The following KCTD14 variants were observed in gnomAD, a reference collection of about 807,000 sequenced individuals.
KCTD14 encodes the protein BTB/POZ domain-containing protein KCTD14.
A neutral mutation model predicts 5.9 loss-of-function variants in KCTD14; 7 were observed. That is an observed-to-expected ratio of 1.19 (90% CI 0.68 to 2.23). The LOEUF is 2.23. Among genes scored for constraint, KCTD14 ranks in the 30% most tolerant of loss-of-function variants. The pLI, the probability that KCTD14 is intolerant of heterozygous loss-of-function variation, is 0.00. For missense variants in KCTD14, 342 were observed against 332.2 expected, an observed-to-expected ratio of 1.03 and a Z score of -0.23; for synonymous variants, 140 against 133.1, an observed-to-expected ratio of 1.05 and a Z score of -0.36.
intron 2 of KCTD14, among the ~76,000 whole-genome samples, chr11:78,030,645 G>A (rs1857588332): frequency 2.6e-5 from 4 of 152,154 alleles, no homozygotes; most frequent in Admixed American, 2.6e-4. Flanking sequence ...TGTTCTTCAG[G>A]AGACAATGCG....
chr11:78,025,690 T>G (rs1857446826), upstream of KCTD14, among the ~76,000 whole-genome samples: 1 of 152,186 alleles, frequency 6.6e-6, no homozygotes, highest in Non-Finnish European at 1.5e-5. Flanking sequence ...GTGTAGACTA[T>G]TTAGCCAGCC....
At chr11:78,024,999 T>TTG (rs1012025347), upstream of KCTD14, among the ~76,000 whole-genome samples, 4 of 138,944 alleles carry the variant, frequency 2.9e-5, no homozygotes, top group African/African-American at 5.3e-5. Flanking sequence ...ACACATATAT[T>TTG]TGTATATATA....
intron 2 of KCTD14, among the ~76,000 whole-genome samples, chr11:78,029,472 G>T (rs1011590672): frequency 6.6e-6 from 1 of 152,164 alleles, no homozygotes; most frequent in Non-Finnish European, 1.5e-5. Flanking sequence ...TTACCCAGAG[G>T]TCACTGGTTG....
chr11:78,025,647 G>C (rs1212390558), upstream of KCTD14, among the ~76,000 whole-genome samples: 1 of 152,172 alleles, frequency 6.6e-6, no homozygotes, highest in Non-Finnish European at 1.5e-5. Context: ...CTTCAGGCCT[G>C]ATCTCCATTT....
chr11:78,038,961 G>A (rs1182748833), intron 1 of KCTD14, among the ~76,000 whole-genome samples: 7 of 152,004 alleles, frequency 4.6e-5, no homozygotes, highest in Non-Finnish European at 8.8e-5. Context: ...ATTCCATAGC[G>A]GGAGCAAGGG....
At chr11:78,038,301 G>A (rs1466612329) in intron 2 of KCTD14, among the ~76,000 whole-genome samples, 3 of 152,208 alleles carry the variant, frequency 2.0e-5, no homozygotes, top group Non-Finnish European at 2.9e-5. Flanking sequence ...GGTCCAGTTC[G>A]AGTGAGAGGT....
Position 78,015,868 on chromosome 11 carries a change from CT to C in KCTD14, c.*724del, listed in dbSNP as rs1326212698. ...TGAGGAGCTCTGGGAAAGGAAGTTC[CT>C]TGATGTAAGAGGTCAGTCTTTTGTA... On this transcript the variant is annotated 3_prime_UTR_variant, in exon 2 of 2. Transcript: ENST00000353172. 6.6e-6 allele frequency: 1 copy of C among 152,178 alleles called. No homozygotes were observed. The highest frequency in any genetic ancestry group is 1.5e-5 in the Non-Finnish European group (1 of 68,058). The allele number at this position is 152,178 out of a possible 1,614,324, so 9.4% of individuals were successfully genotyped here. A position where few individuals can be genotyped will look rare whatever the true frequency, so the allele number is the denominator to read the frequency against.
At chr11:78,020,448 AGAG>A (rs1040551694) in intron 1 of KCTD14, among the ~76,000 whole-genome samples, 8 of 152,232 alleles carry the variant, frequency 5.3e-5, no homozygotes, top group African/African-American at 1.9e-4. Context: ...GGGAGAAGGC[AGAG>A]GAGAGGACGC....
At chr11:78,030,168 TC>T (rs369934014) in intron 2 of KCTD14, among the ~76,000 whole-genome samples, 3 of 151,784 alleles carry the variant, frequency 2.0e-5, no homozygotes, top group Admixed American at 6.6e-5. Context: ...GCTTCTTTTT[TC>T]CCCCCCTCCA....
In KCTD14 at chr11:78,017,073, C is replaced by T; in HGVS notation, c.288G>A (p.Gly96=). ...FRPILDYLRT[G]QVPTQHIPEV... The stretch of plus-strand genomic sequence containing the variant: ...CAGGGATGTGCTGTGTGGGCACTTG[C>T]CCAGTGCGCAGGTAGTCCAGGATGG... Residue 96 remains glycine, a synonymous_variant, in exon 2 of 2, where the codon GGG becomes GGA. Transcript: ENST00000353172. 6.2e-7 allele frequency: 1 copy of T among 1,614,206 alleles called. No homozygotes were observed. Among genetic ancestry groups the T allele is most frequent in the Non-Finnish European group, 8.5e-7 (1 of 1,180,042 alleles).
chr11:78,042,069 A>G (rs1003625556), intron 1 of KCTD14, among the ~76,000 whole-genome samples: 3 of 149,992 alleles, frequency 2.0e-5, no homozygotes, highest in South Asian at 2.1e-4. Flanking sequence ...GACCCCTGGT[A>G]AAAAAAACCA....
At chr11:78,035,932 G>A (rs1857785167) in intron 2 of KCTD14, among the ~76,000 whole-genome samples, 1 of 151,910 alleles carries the variant, frequency 6.6e-6, no homozygotes, top group Non-Finnish European at 1.5e-5. Flanking sequence ...GGTCAAGGGA[G>A]GCGGATCACT....
chr11:78,039,022 G>T (rs1027960207), intron 1 of KCTD14, among the ~76,000 whole-genome samples: 1 of 141,718 alleles, frequency 7.1e-6, no homozygotes, highest in African/African-American at 2.6e-5. Flanking sequence ...CCAGAAGGGA[G>T]AATATGGGGC....
At chr11:78,038,805 G>C in intron 1 of KCTD14, 1 of 1,534,040 alleles carries the variant, frequency 6.5e-7, no homozygotes, top group East Asian at 2.4e-5. Context: ...TGTTCACAAA[G>C]GACGAGGACC....
intron 2 of KCTD14, among the ~76,000 whole-genome samples, chr11:78,034,209 A>C (rs1379891499): frequency 2.0e-5 from 3 of 151,770 alleles, no homozygotes; most frequent in Non-Finnish European, 4.4e-5. Context: ...CACAGCCTCA[A>C]CCTCCTGGAC....
rs149621681 is a variant in KCTD14, at chr11:78,017,123, C to G, written c.238G>C (p.Asp80His). 7 of 1,614,064 alleles carry G rather than the reference C, an allele frequency of 4.3e-6. No homozygotes were observed. The highest frequency in any genetic ancestry group is 5.1e-6 in the Non-Finnish European group (6 of 1,180,026). Residue 80 changes from aspartate to histidine, a missense_variant, in exon 2 of 2, where the codon GAC becomes CAC. Coordinates refer to ENST00000353172, the MANE Select transcript of KCTD14 (RefSeq NM_023930.4). ...STDAEGRFFI[D>H]RPSTYFRPIL... ...GGTCTGAAATAGGTGCTGGGGCGGTCGATGAAGAAGCGGCCCTCCGCGTCC... is the reference window on the plus strand; with the variant it reads ...GGTCTGAAATAGGTGCTGGGGCGGTGGATGAAGAAGCGGCCCTCCGCGTCC...
intron 1 of KCTD14, chr11:78,022,894 A>G: frequency 2.1e-6 from 1 of 465,998 alleles, no homozygotes; most frequent in Non-Finnish European, 3.8e-6. Flanking sequence ...CCCAATGTAG[A>G]GGGAGGAAGC....
upstream of KCTD14, among the ~76,000 whole-genome samples, chr11:78,025,118 G>GTGTATATA (rs1230114793): frequency 4.4e-3 from 197 of 44,420 alleles, 1 homozygote; most frequent in African/African-American, 1.0e-2. Flanking sequence ...GTGTGTGTGT[G>GTGTATATA]TATATATATA....
chr11:78,017,268 C>T lies in KCTD14; in HGVS notation c.93G>A (p.Met31Ile). 1.3e-6 allele frequency: 2 copies of T among 1,582,600 alleles called. No individual in the cohort carries two copies. The highest frequency in any genetic ancestry group is 2.3e-5 in the South Asian group (2 of 88,342). Reference sequence around the variant, plus strand: ...CGACGTTCAGCTCCACAACAGTAGACATCTGGGGGCACAAGAGGCAGAGTA... The same window carrying T: ...CGACGTTCAGCTCCACAACAGTAGATATCTGGGGGCACAAGAGGCAGAGTA... ...PQSPRPRRPT[M>I]STVVELNVGG... The change falls in exon 2 of 2, where the codon ATG becomes ATA. Residue 31 changes from methionine to isoleucine, a missense_variant and splice_region_variant. Coordinates refer to ENST00000353172, the MANE Select transcript of KCTD14 (RefSeq NM_023930.4).
Sources: allele counts gnomAD v4.1 joint callset (sites outside exome capture counted in the v4.1 genomes callset), GRCh38; gene constraint gnomAD v4.1.1; transcripts MANE v1.5; gene names NCBI Gene and HGNC (gene_info 2026-07-23, HGNC 2026-07-21).